TRAPPC9: variants seen among roughly 807,000 people sequenced by gnomAD.
TRAPPC9 encodes IKK2 binding protein.
A neutral mutation model predicts 124.0 loss-of-function variants in TRAPPC9; 83 were observed. The observed-to-expected ratio is 0.67, with a 90% CI of 0.56 to 0.80. TRAPPC9 has a LOEUF of 0.80. Ranked by LOEUF, TRAPPC9 falls within the 30% of genes least tolerant of loss-of-function variation. TRAPPC9 has a pLI of 0.00. For missense variants in TRAPPC9, 1,302 were observed against 1,508.3 expected (o/e 0.86, Z 2.27); for synonymous variants, 638 against 617.5 (o/e 1.03, Z -0.49).
chr8:140,254,033 G>A (rs953868976), intron 15 of TRAPPC9, among the ~76,000 whole-genome samples: 3 of 152,126 alleles, frequency 2.0e-5, no homozygotes, highest in African/African-American at 2.4e-5. Flanking sequence ...GGACAGGAAG[G>A]GGACATGGGG....
chr8:139,869,837 A>G (rs571599681), intron 21 of TRAPPC9, among the ~76,000 whole-genome samples: 2 of 152,378 alleles, frequency 1.3e-5, no homozygotes, highest in South Asian at 4.1e-4. Context: ...AGTGAAATAT[A>G]AATTAATTGC....
At chr8:140,259,120 TCTC>T (rs1404290372) in intron 15 of TRAPPC9, among the ~76,000 whole-genome samples, 1 of 152,152 alleles carries the variant, frequency 6.6e-6, no homozygotes, top group Non-Finnish European at 1.5e-5. Flanking sequence ...AGGAATCCCC[TCTC>T]ACGGCTGCTC....
intron 17 of TRAPPC9, among the ~76,000 whole-genome samples, chr8:140,106,426 T>C (rs2060667160): frequency 6.6e-6 from 1 of 152,208 alleles, no homozygotes. Flanking sequence ...CCTAGGCAAG[T>C]TCACACAACA....
At chr8:140,256,122 C>G (rs185091424) in intron 15 of TRAPPC9, among the ~76,000 whole-genome samples, 1 of 152,194 alleles carries the variant, frequency 6.6e-6, no homozygotes, top group East Asian at 1.9e-4. Flanking sequence ...AAACACTGGT[C>G]GCTTTGGTAT....
Position 140,182,102 on chromosome 8 carries a change from T to C in TRAPPC9, c.2556+39357A>G, listed in dbSNP as rs2062218730. 1.3e-5 allele frequency among the ~76,000 whole-genome samples: 2 copies of C among 152,166 alleles called. No homozygotes were observed. Among genetic ancestry groups the C allele is most frequent in the Non-Finnish European group, 1.5e-5 (1 of 68,030 alleles). ...CATCAGCATACAAGCCTAGTGCTGG[T>C]TGGCAAAGTTTATCACAAGGAGGCA... On this transcript the variant is annotated intron_variant, in intron 17 of 22. Coordinates refer to ENST00000438773, the MANE Select transcript of TRAPPC9 (RefSeq NM_001160372.4). The surrounding 1 kb of genome is among the most constrained non-coding windows in gnomAD (Gnocchi z 4.0).
At chr8:139,855,182 T>G (rs1827724558) in intron 21 of TRAPPC9, among the ~76,000 whole-genome samples, 1 of 152,178 alleles carries the variant, frequency 6.6e-6, no homozygotes, top group Non-Finnish European at 1.5e-5. Flanking sequence ...GTAAATAAAA[T>G]AGGCCCAAAG....
At chr8:139,736,211 G>A (rs1563772676) in intron 21 of TRAPPC9, among the ~76,000 whole-genome samples, 1 of 152,208 alleles carries the variant, frequency 6.6e-6, no homozygotes, top group Non-Finnish European at 1.5e-5. Flanking sequence ...GGAATGGCAG[G>A]CAGCACCTGT....
chr8:139,959,618 T>C (rs922783768), intron 19 of TRAPPC9, among the ~76,000 whole-genome samples: 1 of 152,146 alleles, frequency 6.6e-6, no homozygotes, highest in Admixed American at 6.5e-5. Context: ...ACTAAGAGCT[T>C]TGTTATAGGG....
intron 17 of TRAPPC9, among the ~76,000 whole-genome samples, chr8:140,068,588 C>T (rs1011246045): frequency 1.3e-5 from 2 of 152,224 alleles, no homozygotes; most frequent in Non-Finnish European, 2.9e-5. Context: ...AACTCAGCCA[C>T]GCTTGTCATG....
At chr8:139,929,521 A>G (rs1376901272) in intron 19 of TRAPPC9, among the ~76,000 whole-genome samples, 1 of 104,408 alleles carries the variant, frequency 9.6e-6, no homozygotes, top group Admixed American at 8.7e-5. Context: ...GGATCATGAG[A>G]AAAAAAAAAA....
At chr8:140,381,161 T>C (rs2068595316) in intron 7 of TRAPPC9, among the ~76,000 whole-genome samples, 1 of 144,398 alleles carries the variant, frequency 6.9e-6, no homozygotes, top group Non-Finnish European at 1.5e-5. Context: ...GCTGAGACTG[T>C]GCCACTGCAC....
intron 19 of TRAPPC9, among the ~76,000 whole-genome samples, chr8:139,948,106 G>A (rs1245465462): frequency 6.6e-6 from 1 of 151,528 alleles, no homozygotes; most frequent in Non-Finnish European, 1.5e-5. Context: ...CATAAGCCTT[G>A]CATCACAGGG....
chr8:139,888,124 T>G (rs1333087236), intron 20 of TRAPPC9, among the ~76,000 whole-genome samples: 1 of 152,196 alleles, frequency 6.6e-6, no homozygotes, highest in Non-Finnish European at 1.5e-5. Flanking sequence ...AATGTCTAAC[T>G]CATCCCGTCC....
At position 140,287,642 on chromosome 8, in the gene TRAPPC9, C is replaced by A; in HGVS notation, c.1947G>T (p.Gly649=). 6.2e-7 allele frequency: 1 copy of A among 1,614,166 alleles called. No homozygotes were observed. The highest frequency in any genetic ancestry group is 8.5e-7 in the Non-Finnish European group (1 of 1,180,024). The stretch of plus-strand genomic sequence containing the variant: ...TAATCGTTCCAGTCGTCTGCGGGAC[C>A]CCGACGAGCGTCACTGGGTACAGAC... The part of the protein sequence containing the change: ...ESGLYPVTLV[G]VPQTTGTITV... Residue 649 remains glycine, a synonymous_variant, in exon 13 of 23, where the codon GGG becomes GGT. Coordinates refer to ENST00000438773, the MANE Select transcript of TRAPPC9 (RefSeq NM_001160372.4).
At chr8:140,238,995 C>T (rs940679904) in intron 16 of TRAPPC9, among the ~76,000 whole-genome samples, 2 of 151,916 alleles carry the variant, frequency 1.3e-5, no homozygotes, top group South Asian at 2.1e-4. Context: ...GGGGCCCGGG[C>T]GCTGCAGACA....
At chr8:140,077,716 G>A (rs1454936064) in intron 17 of TRAPPC9, among the ~76,000 whole-genome samples, 4 of 152,136 alleles carry the variant, frequency 2.6e-5, no homozygotes, top group Non-Finnish European at 5.9e-5. Context: ...TGAACAAGGC[G>A]GCAGCTGGGC....
chr8:139,900,342 G>C (rs868676180), intron 20 of TRAPPC9, among the ~76,000 whole-genome samples: 4 of 152,082 alleles, frequency 2.6e-5, no homozygotes, highest in South Asian at 4.2e-4. Context: ...GCCTTATCTG[G>C]GATGTCTCTA....
At chr8:139,852,675 C>T (rs886885903) in intron 21 of TRAPPC9, among the ~76,000 whole-genome samples, 7 of 152,196 alleles carry the variant, frequency 4.6e-5, no homozygotes, top group African/African-American at 1.7e-4. Flanking sequence ...TTCCATCGGG[C>T]AGCACAAACC....
rs202041590 is a variant in TRAPPC9 at position 140,221,422 on chromosome 8, C to T, written c.2556+37G>A. ...AGAAACGGCTTTGCAGAAGCCCGAA[C>T]GGCACGTGGCAGATGCCGTCTGCCA... On this transcript the variant is annotated intron_variant, in intron 17 of 22. Coordinates refer to ENST00000438773, the MANE Select transcript of TRAPPC9 (RefSeq NM_001160372.4). 110 of 1,612,876 alleles carry T rather than the reference C, an allele frequency of 6.8e-5. No individual in the cohort carries two copies. In the East Asian group the frequency reaches 1.7e-3, roughly 25 times the overall value.
Sources: gnomAD v4.1 joint callset for allele counts (sites outside exome capture counted in the v4.1 genomes callset) on GRCh38, gnomAD v4.1.1 for gene constraint, Gnocchi (gnomAD v3.1) non-coding constraint, MANE v1.5 for transcripts, NCBI Gene and HGNC (gene_info 2026-07-23, HGNC 2026-07-21) for gene names.